GEMIN5: variants seen among roughly 807,000 people sequenced by gnomAD.
GEMIN5 encodes gem-associated protein 5.
In GEMIN5, 124 loss-of-function variants were observed where a neutral mutation model predicts 176.9. The ratio of observed to expected loss-of-function variants is 0.70; its 90% confidence interval spans 0.61 to 0.81. The LOEUF is 0.81. Ranked by LOEUF, GEMIN5 falls within the 40% of genes least tolerant of loss-of-function variation. The pLI is 0.00. For missense variants in GEMIN5, 1,843 were observed against 1,814.6 expected, an observed-to-expected ratio of 1.02 and a Z score of -0.28; for synonymous variants, 673 against 665.2, an observed-to-expected ratio of 1.01 and a Z score of -0.18.
intron 3 of GEMIN5, among the ~76,000 whole-genome samples, chr5:154,933,684 A>T (rs527400637): frequency 1.7e-4 from 25 of 150,374 alleles, no homozygotes; most frequent in East Asian, 5.9e-4. Context: ...AGCTTTATTT[A>T]TTTTTTTTTT....
Position 154,911,850 on chromosome 5 carries a change from G to T in GEMIN5, c.2044C>A (p.Arg682=), listed in dbSNP as rs749963780. Residue 682 remains arginine (R), a synonymous_variant, in exon 15 of 28, where the codon CGA becomes AGA. Transcript: ENST00000285873. The part of the protein sequence containing the change: ...EEPLCNFRGH[R]GRLLCVAWSP... Reference sequence around the variant, plus strand: ...CATGCCACACAAAGCAGTCGACCTCGATGTCCTCGGAAATTGCACAGGGGC... The same window carrying T: ...CATGCCACACAAAGCAGTCGACCTCTATGTCCTCGGAAATTGCACAGGGGC... 1.2e-6 allele frequency: 2 copies of T among 1,613,958 alleles called. No individual in the cohort carries two copies. Among genetic ancestry groups the T allele is most frequent in the Admixed American group, 3.3e-5 (2 of 60,012 alleles).
rs556158624 is a variant in GEMIN5 at position 154,926,672 on chromosome 5, G to A, written c.1081-598C>T. Among the ~76,000 whole-genome samples, 10 of 152,294 alleles carry A rather than the reference G, an allele frequency of 6.6e-5. No homozygotes were observed. The South Asian group carries it at 1.2e-3, about 19-fold the overall frequency. ...AAACCAGGATAAACCATAGCATGAG[G>A]ACCTAACACAGGGGTGTCCAATCTT... On this transcript the variant is annotated intron_variant, in intron 7 of 27. Coordinates refer to ENST00000285873, the MANE Select transcript of GEMIN5 (RefSeq NM_015465.5).
intron 24 of GEMIN5, among the ~76,000 whole-genome samples, chr5:154,895,337 A>G (rs918580285): frequency 1.8e-5 from 2 of 111,812 alleles, no homozygotes; most frequent in Non-Finnish European, 4.0e-5. Context: ...TCCAGAAAGG[A>G]AAAAAAAAAA....
intron 5 of GEMIN5, 30 bp downstream of exon 5, chr5:154,931,428 G>A (rs767876064): frequency 4.4e-6 from 7 of 1,589,670 alleles, no homozygotes; most frequent in Non-Finnish European, 6.0e-6. Context: ...ATCAACATAG[G>A]TTACATCACA....
At chr5:154,888,737 C>T (rs1763159760) in intron 27 of GEMIN5, among the ~76,000 whole-genome samples, 1 of 152,194 alleles carries the variant, frequency 6.6e-6, no homozygotes, top group African/African-American at 2.4e-5. Context: ...TTACTTCTTA[C>T]CTATTAAATC....
At position 154,918,008 on chromosome 5, in the gene GEMIN5, G is replaced by C. The variant is rs1203436938; in HGVS notation, c.1600-4C>G. On this transcript the variant is annotated splice_polypyrimidine_tract_variant and splice_region_variant and intron_variant, in intron 11 of 27. Coordinates refer to ENST00000285873, the MANE Select transcript of GEMIN5 (RefSeq NM_015465.5). ...CTGTGTGTACAGGCAATTTGTACTA[G>C]AAAGCAAAACAAACCAATCTTGACT... The C allele has an allele frequency of 1.9e-6, 3 of 1,601,044 alleles. No homozygotes were observed. The South Asian group carries it at 3.3e-5, about 18-fold the overall frequency.
At chr5:154,929,151 G>T (rs1162421380) in intron 5 of GEMIN5, among the ~76,000 whole-genome samples, 1 of 152,158 alleles carries the variant, frequency 6.6e-6, no homozygotes, top group South Asian at 2.1e-4. Flanking sequence ...ATGAACCCAG[G>T]AGGTGGAGCT....
intron 20 of GEMIN5, 96 bp from the exon 21 acceptor site, chr5:154,901,582 A>T (rs970832570): frequency 9.5e-7 from 1 of 1,051,474 alleles, no homozygotes; most frequent in Admixed American, 2.0e-5. Flanking sequence ...GTTTTCGTCA[A>T]TGCATTCAGC....
chr5:154,921,286 G>A (rs1582669309), intron 10 of GEMIN5, 57 bp downstream of exon 10: 4 of 833,264 alleles, frequency 4.8e-6, no homozygotes, highest in Non-Finnish European at 8.4e-6. Context: ...AATATTTTAG[G>A]ATTAAACTGA....
At chr5:154,934,782 T>C (rs553342415) in intron 3 of GEMIN5, among the ~76,000 whole-genome samples, 1 of 152,358 alleles carries the variant, frequency 6.6e-6, no homozygotes, top group South Asian at 2.1e-4. Flanking sequence ...CACTCAACAG[T>C]GAACACTGGG....
intron 2 of GEMIN5, 23 bp downstream of exon 2, chr5:154,937,002 G>C: frequency 6.3e-7 from 1 of 1,592,746 alleles, no homozygotes; most frequent in Non-Finnish European, 8.6e-7. Context: ...AAAACGGTTT[G>C]AGAAACCAGT....
In GEMIN5 at chr5:154,907,734, G is replaced by A; in HGVS notation, c.2252C>T (p.Thr751Ile). 1.9e-6 allele frequency: 3 copies of A among 1,614,144 alleles called. No individual in the cohort carries two copies. Among genetic ancestry groups the A allele is most frequent in the Non-Finnish European group, 2.5e-6 (3 of 1,180,010 alleles). Residue 751 changes from threonine to isoleucine, a missense_variant, in exon 16 of 28, where the codon ACT becomes ATT. Physicochemically the swap from Thr to Ile is moderately conservative, Grantham distance 89. Transcript: ENST00000285873. ...PKKKKKPTLR[T>I]PVKLESIDGN... is the part of the protein sequence containing the mutation. ...ATCAATCGATTCCAGCTTTACAGGA[G>A]TTCTCAAGGTGGGCTTTTTCTTCTT...
chr5:154,899,970 C>T (rs1049295117), intron 21 of GEMIN5, among the ~76,000 whole-genome samples: 1 of 151,610 alleles, frequency 6.6e-6, no homozygotes, highest in African/African-American at 2.4e-5. Context: ...AACAGTTATT[C>T]AGTGTTGGGT....
intron 9 of GEMIN5, among the ~76,000 whole-genome samples, chr5:154,923,027 A>C (rs1763959393): frequency 6.6e-6 from 1 of 152,174 alleles, no homozygotes; most frequent in Non-Finnish European, 1.5e-5. Context: ...AGAGTTAAAA[A>C]AGGAGAATAG....
chr5:154,888,067 T>C lies in GEMIN5; in HGVS notation c.*143A>G. 1.3e-6 allele frequency: 1 copy of C among 770,794 alleles called. No individual in the cohort carries two copies. Among genetic ancestry groups the C allele is most frequent in the South Asian group, 1.7e-5 (1 of 60,074 alleles). 47.7% of individuals were successfully genotyped at this position (770,794 alleles called of 1,614,324 possible). A position where few individuals can be genotyped will look rare whatever the true frequency, so the allele number is the denominator to read the frequency against. On this transcript the variant is annotated 3_prime_UTR_variant, in exon 28 of 28. Coordinates refer to ENST00000285873, the MANE Select transcript of GEMIN5 (RefSeq NM_015465.5). ...TTGTCTATGGGTAGGCAGGGTTGATTCAAACTTAATCCTTGTTTGTATTCT... is the reference window on the plus strand; with the variant it reads ...TTGTCTATGGGTAGGCAGGGTTGATCCAAACTTAATCCTTGTTTGTATTCT...
At chr5:154,899,414 T>C in intron 21 of GEMIN5, 104 bp from the exon 22 acceptor site, 1 of 977,000 alleles carries the variant, frequency 1.0e-6, no homozygotes. Context: ...TGTGTTGTCT[T>C]ATTGTTCCAA....
intron 21 of GEMIN5, among the ~76,000 whole-genome samples, chr5:154,900,114 A>T (rs1029463249): frequency 2.0e-5 from 3 of 152,190 alleles, no homozygotes; most frequent in Admixed American, 1.3e-4. Flanking sequence ...ACTTGTACCT[A>T]CCACTTGTGT....
In GEMIN5 at chr5:154,931,449, C is replaced by A; in HGVS notation, c.781+9G>T. 1 of 1,597,668 alleles carries A rather than the reference C, an allele frequency of 6.3e-7. No individual in the cohort carries two copies. The highest frequency in any genetic ancestry group is 8.6e-7 in the Non-Finnish European group (1 of 1,168,636). On this transcript the variant is annotated intron_variant, in intron 5 of 27. Coordinates refer to ENST00000285873, the MANE Select transcript of GEMIN5 (RefSeq NM_015465.5). ...ATAGGTTACATCACAAAAGAAAGAT[C>A]AATCTTACCTCGGCCTCTAGAACAG... is the stretch of plus-strand genomic sequence containing the variant.
At chr5:154,901,616 C>G (rs1763466977) in intron 20 of GEMIN5, 130 bp from the exon 21 acceptor site, 1 of 697,788 alleles carries the variant, frequency 1.4e-6, no homozygotes, top group Non-Finnish European at 2.5e-6. Context: ...ACCAATTCAG[C>G]TGCCATTATG....
Sources: allele counts gnomAD v4.1 joint callset (sites outside exome capture counted in the v4.1 genomes callset), GRCh38; gene constraint gnomAD v4.1.1; transcripts MANE v1.5; gene names NCBI Gene and HGNC (gene_info 2026-07-23, HGNC 2026-07-21).